Variants in SP140L observed in about 807,000 individuals in gnomAD.
The protein encoded by SP140L is nuclear body protein SP140-like protein.
Under a neutral mutation model 84.3 loss-of-function variants are expected in SP140L, and 64 were observed. That is an observed-to-expected ratio of 0.76 (90% CI 0.62 to 0.94). The LOEUF (loss-of-function observed/expected upper bound fraction) is 0.94. SP140L is among the 40% of genes least tolerant of loss of function. SP140L has a pLI of 0.00. For missense variants in SP140L, 628 were observed against 692.5 expected (o/e 0.91, Z 1.05); for synonymous variants, 242 against 236.9 (o/e 1.02, Z -0.20).
intron 2 of SP140L, among the ~76,000 whole-genome samples, chr2:230,355,933 C>G (rs180701583): frequency 1.4e-4 from 22 of 152,140 alleles, no homozygotes; most frequent in African/African-American, 5.3e-4. Flanking sequence ...AGACAAAACA[C>G]TTCTATCCAT....
At chr2:230,369,904 G>A (rs1042343588) in intron 5 of SP140L, among the ~76,000 whole-genome samples, 7 of 152,146 alleles carry the variant, frequency 4.6e-5, no homozygotes, top group Non-Finnish European at 8.8e-5. Flanking sequence ...CTCCCAAGTA[G>A]CTGGGATTAC....
chr2:230,328,247 C>G (rs891125114), intron 1 of SP140L, among the ~76,000 whole-genome samples: 3 of 152,144 alleles, frequency 2.0e-5, no homozygotes, highest in Non-Finnish European at 4.4e-5. Context: ...AGTGTATAAA[C>G]GAAAAAGTCT....
At chr2:230,395,366 T>C (rs2062002566) in intron 13 of SP140L, among the ~76,000 whole-genome samples, 1 of 151,948 alleles carries the variant, frequency 6.6e-6, no homozygotes, top group Non-Finnish European at 1.5e-5. Context: ...TGACTTGAGC[T>C]CAGGAATTTG....
At chr2:230,340,284 G>A (rs964166158) in intron 2 of SP140L, among the ~76,000 whole-genome samples, 1 of 147,906 alleles carries the variant, frequency 6.8e-6, no homozygotes, top group African/African-American at 2.5e-5. Flanking sequence ...TTGGTTTAAA[G>A]TCTGTTTTAT....
intron 7 of SP140L, among the ~76,000 whole-genome samples, chr2:230,380,924 C>T (rs1165973216): frequency 6.6e-6 from 1 of 151,888 alleles, no homozygotes; most frequent in Non-Finnish European, 1.5e-5. Context: ...TAGGAAAACT[C>T]TCCTCAGCAC....
chr2:230,359,912 ACTATACCAAATTAAAGTTTGGTATTGGTG>A (rs894779653), intron 4 of SP140L, among the ~76,000 whole-genome samples: 10 of 126,612 alleles, frequency 7.9e-5, no homozygotes, highest in African/African-American at 2.4e-4. Flanking sequence ...TCGGACAGGG[ACTATACCAAATTAAAGTTTGGTATTGGTG>A]CTATACCAAA....
intron 5 of SP140L, among the ~76,000 whole-genome samples, chr2:230,369,251 C>A (rs1212125335): frequency 6.6e-6 from 1 of 152,078 alleles, no homozygotes; most frequent in East Asian, 1.9e-4. Context: ...GGGATCTACA[C>A]CACTGGTGCA....
chr2:230,337,860 G>A (rs188521348), intron 2 of SP140L, among the ~76,000 whole-genome samples: 41 of 152,134 alleles, frequency 2.7e-4, no homozygotes, highest in Middle Eastern at 3.4e-3. Flanking sequence ...CTATATCTCC[G>A]TTTTGGTACC....
chr2:230,379,472 G>T (rs1226439522), intron 7 of SP140L, among the ~76,000 whole-genome samples: 1 of 151,804 alleles, frequency 6.6e-6, no homozygotes, highest in Non-Finnish European at 1.5e-5. Flanking sequence ...TCTACCATTT[G>T]GCTATTATTG....
chr2:230,398,901 AT>A (rs1328609376), intron 14 of SP140L, among the ~76,000 whole-genome samples: 2 of 152,206 alleles, frequency 1.3e-5, no homozygotes, highest in Non-Finnish European at 2.9e-5. Flanking sequence ...TGGCAGGGAA[AT>A]GAAATCAGCT....
intron 2 of SP140L, among the ~76,000 whole-genome samples, chr2:230,349,027 T>C (rs1309341800): frequency 6.6e-6 from 1 of 152,244 alleles, no homozygotes; most frequent in African/African-American, 2.4e-5. Flanking sequence ...TACATTTAGA[T>C]CCATGATCCA....
At chr2:230,334,108 TA>T (rs1404254668) in intron 2 of SP140L, among the ~76,000 whole-genome samples, 2 of 152,224 alleles carry the variant, frequency 1.3e-5, no homozygotes, top group Non-Finnish European at 2.9e-5. Context: ...GAAATCTGAC[TA>T]GAAGCTCTGT....
intron 9 of SP140L, among the ~76,000 whole-genome samples, chr2:230,386,174 C>T (rs762622874): frequency 4.6e-5 from 7 of 152,186 alleles, no homozygotes; most frequent in African/African-American, 1.4e-4. Context: ...ATCAGTTCCA[C>T]CAACTCTTTC....
chr2:230,350,692 A>T (rs575370239), intron 2 of SP140L, among the ~76,000 whole-genome samples: 1 of 152,222 alleles, frequency 6.6e-6, no homozygotes, highest in African/African-American at 2.4e-5. Flanking sequence ...GACGTTAGGG[A>T]TTGACAAGAG....
At chr2:230,329,866 T>G (rs1007157659) in intron 2 of SP140L, among the ~76,000 whole-genome samples, 61 of 152,250 alleles carry the variant, frequency 4.0e-4, no homozygotes, top group African/African-American at 1.4e-3. Context: ...AAATTGATCG[T>G]GTTTATTTTT....
chr2:230,381,008 A>C lies in SP140L; in HGVS notation c.638-2502A>C, dbSNP rs535533860. Among the ~76,000 whole-genome samples, 219 of 152,232 alleles carry C rather than the reference A, an allele frequency of 1.4e-3. 1 individual carries two copies. The highest frequency in any genetic ancestry group is 4.9e-3 in the African/African-American group (203 of 41,548). On this transcript the variant is annotated intron_variant, in intron 7 of 18. Coordinates refer to ENST00000415673, the MANE Select transcript of SP140L (RefSeq NM_138402.6). ...TAGGAGCAAAATTGCTGGGATATAG[A>C]GTAGACGCATCAGTTCTTTCCCCTC...
chr2:230,330,232 C>A (rs139099219), intron 2 of SP140L, among the ~76,000 whole-genome samples: 1 of 152,282 alleles, frequency 6.6e-6, no homozygotes, highest in East Asian at 1.9e-4. Flanking sequence ...TTTGAAGACT[C>A]TGTTTTTATT....
In SP140L at chr2:230,383,429, C is replaced by T. The variant is rs560676576; in HGVS notation, c.638-81C>T. ...CCTGTGGACCAAAGTATGAAAAAATCTTGTATACTACTAGCATATAAAGCT... is the reference window on the plus strand; with the variant it reads ...CCTGTGGACCAAAGTATGAAAAAATTTTGTATACTACTAGCATATAAAGCT... On this transcript the variant is annotated intron_variant, in intron 7 of 18. Coordinates refer to ENST00000415673, the MANE Select transcript of SP140L (RefSeq NM_138402.6). 3.0e-5 allele frequency: 43 copies of T among 1,425,992 alleles called. No individual in the cohort carries two copies. The African/African-American group carries it at 5.6e-4, about 19-fold the overall frequency. The allele number at this position is 1,425,992 out of a possible 1,614,324, so 88.3% of individuals were successfully genotyped here.
intron 2 of SP140L, among the ~76,000 whole-genome samples, chr2:230,350,311 C>T (rs1043888908): frequency 2.0e-5 from 3 of 152,164 alleles, no homozygotes; most frequent in Non-Finnish European, 4.4e-5. Flanking sequence ...AAAACTATTA[C>T]CTTCAACCCA....
Sources: allele counts gnomAD v4.1 joint callset (sites outside exome capture counted in the v4.1 genomes callset), GRCh38; gene constraint gnomAD v4.1.1; transcripts MANE v1.5; gene names NCBI Gene and HGNC (gene_info 2026-07-23, HGNC 2026-07-21).